Variants in LAMA2 observed in about 807,000 individuals in gnomAD.
The protein encoded by LAMA2 is laminin subunit alpha 2.
A neutral mutation model predicts 364.8 loss-of-function variants in LAMA2; 269 were observed. That is an observed-to-expected ratio of 0.74 (90% CI 0.67 to 0.82). The LOEUF is 0.82. Ranked by LOEUF, LAMA2 falls within the 40% of genes least tolerant of loss-of-function variation. The pLI is 0.00. For missense variants in LAMA2, 3,807 were observed against 3,873.2 expected, an observed-to-expected ratio of 0.98 and a Z score of 0.45; for synonymous variants, 1,379 against 1,370.6, an observed-to-expected ratio of 1.01 and a Z score of -0.14.
In LAMA2 at chr6:129,037,733, G is replaced by A. The variant is rs193124288; in HGVS notation, c.113-12185G>A. On this transcript the variant is annotated intron_variant, in intron 1 of 64. Coordinates refer to ENST00000421865, the MANE Select transcript of LAMA2 (RefSeq NM_000426.4). ...CAGGCTGGATGGAGTGCAGTGGCGC[G>A]ATCTCTGCTCACTGCAAGCTCCGCC... Among the ~76,000 whole-genome samples the A allele has an allele frequency of 2.3e-3, 342 of 150,732 alleles. 2 individuals carry two copies. The highest frequency in any genetic ancestry group is 7.7e-3 in the African/African-American group (315 of 40,960).
At chr6:128,939,953 G>C (rs1749888830) in intron 1 of LAMA2, among the ~76,000 whole-genome samples, 1 of 152,098 alleles carries the variant, frequency 6.6e-6, no homozygotes, top group Non-Finnish European at 1.5e-5. Flanking sequence ...CATCCAGAAT[G>C]ATGATCCAAA....
chr6:129,166,148 G>A (rs924696427), intron 9 of LAMA2, among the ~76,000 whole-genome samples: 18 of 152,150 alleles, frequency 1.2e-4, no homozygotes, highest in African/African-American at 4.3e-4. Flanking sequence ...TGTTCATAAA[G>A]GACTAAGAAG....
chr6:129,291,025 C>T (rs894731536), intron 19 of LAMA2, among the ~76,000 whole-genome samples: 1 of 152,074 alleles, frequency 6.6e-6, no homozygotes, highest in Non-Finnish European at 1.5e-5. Context: ...AAAACCGGCA[C>T]ACAGTAAATC....
At chr6:129,228,192 G>A (rs532384852) in intron 12 of LAMA2, among the ~76,000 whole-genome samples, 1 of 152,184 alleles carries the variant, frequency 6.6e-6, no homozygotes, top group Non-Finnish European at 1.5e-5. Context: ...CGTGGTATTA[G>A]GGTGGGAGTG....
intron 9 of LAMA2, among the ~76,000 whole-genome samples, chr6:129,177,085 A>G (rs1043428462): frequency 2.6e-5 from 4 of 152,144 alleles, no homozygotes; most frequent in Non-Finnish European, 5.9e-5. Context: ...TTTTTTAATC[A>G]AAGACATGAA....
intron 2 of LAMA2, among the ~76,000 whole-genome samples, chr6:129,055,713 GA>G (rs1229650923): frequency 6.6e-6 from 1 of 152,162 alleles, no homozygotes; most frequent in African/African-American, 2.4e-5. Flanking sequence ...ATCCTGCAAA[GA>G]AAACGAACCT....
At chr6:129,315,400 T>C in intron 24 of LAMA2, 76 bp from the exon 25 acceptor site, 1 of 1,285,680 alleles carries the variant, frequency 7.8e-7, no homozygotes, top group Non-Finnish European at 1.1e-6. Context: ...CAGATAGACA[T>C]GCAGTTCGTA....
At chr6:129,283,626 T>C (rs947126064) in intron 18 of LAMA2, among the ~76,000 whole-genome samples, 2 of 151,414 alleles carry the variant, frequency 1.3e-5, no homozygotes, top group Non-Finnish European at 2.9e-5. Flanking sequence ...TCTAATTGCT[T>C]AATATTTTGA....
chr6:129,065,466 G>A (rs1382942443), intron 3 of LAMA2, among the ~76,000 whole-genome samples: 2 of 152,112 alleles, frequency 1.3e-5, no homozygotes, highest in Non-Finnish European at 2.9e-5. Flanking sequence ...AAAAGGTAAA[G>A]TGTCTCTTTT....
intron 12 of LAMA2, among the ~76,000 whole-genome samples, chr6:129,204,762 A>G (rs969358904): frequency 6.6e-6 from 1 of 152,218 alleles, no homozygotes; most frequent in African/African-American, 2.4e-5. Flanking sequence ...TTAAAATCTC[A>G]TAATTTTCAT....
intron 11 of LAMA2, among the ~76,000 whole-genome samples, chr6:129,192,475 GA>G (rs918906547): frequency 3.1e-4 from 47 of 151,426 alleles, no homozygotes; most frequent in South Asian, 1.5e-3. Context: ...AAACATCAAG[GA>G]AAAAAAATAA....
At chr6:129,088,352 T>G (rs1043085929) in intron 3 of LAMA2, among the ~76,000 whole-genome samples, 17 of 150,846 alleles carry the variant, frequency 1.1e-4, no homozygotes, top group African/African-American at 4.1e-4. Flanking sequence ...ATTTCCCCCT[T>G]TTCTATTCCA....
At chr6:129,223,725 A>T (rs1341025885) in intron 12 of LAMA2, among the ~76,000 whole-genome samples, 1 of 152,214 alleles carries the variant, frequency 6.6e-6, no homozygotes, top group Non-Finnish European at 1.5e-5. Context: ...TACCAGTACC[A>T]TGCTGTTTTG....
chr6:129,204,665 A>C lies in LAMA2; in HGVS notation c.1782+11812A>C, dbSNP rs1306494335. Among the ~76,000 whole-genome samples, 4 of 152,248 alleles carry C rather than the reference A, an allele frequency of 2.6e-5. No homozygotes were observed. The East Asian group carries it at 5.8e-4, about 22-fold the overall frequency. On this transcript the variant is annotated intron_variant, in intron 12 of 64. Coordinates refer to ENST00000421865, the MANE Select transcript of LAMA2 (RefSeq NM_000426.4). Reference sequence around the variant, plus strand: ...AGCCTCTAGAACTGTGAAACAATACATTTCTGTTGTATAAGCCACCCAGTC... The same window carrying C: ...AGCCTCTAGAACTGTGAAACAATACCTTTCTGTTGTATAAGCCACCCAGTC...
At chr6:129,122,215 C>CT (rs1776839955) in intron 4 of LAMA2, among the ~76,000 whole-genome samples, 2 of 152,112 alleles carry the variant, frequency 1.3e-5, no homozygotes, top group Admixed American at 1.3e-4. Context: ...AGGAAATAAA[C>CT]TTTTTTCTAA....
intron 51 of LAMA2, among the ~76,000 whole-genome samples, chr6:129,472,896 T>C (rs1234199949): frequency 6.6e-6 from 1 of 152,028 alleles, no homozygotes; most frequent in Non-Finnish European, 1.5e-5. Context: ...TGCTTTATTT[T>C]CTAACTACTT....
intron 1 of LAMA2, among the ~76,000 whole-genome samples, chr6:128,897,183 A>T (rs1222892643): frequency 6.6e-6 from 1 of 152,246 alleles, no homozygotes; most frequent in Non-Finnish European, 1.5e-5. Context: ...CAAATTAGTA[A>T]GTAAAGGGCT....
At position 129,481,503 on chromosome 6, in the gene LAMA2, T is replaced by A. The variant is rs1784347145; in HGVS notation, c.7749+64T>A. 1.6e-5 allele frequency: 21 copies of A among 1,353,814 alleles called. No homozygotes were observed. The South Asian group carries it at 2.3e-4, about 15-fold the overall frequency. The allele number at this position is 1,353,814 out of a possible 1,614,324, so 83.9% of individuals were successfully genotyped here. ...GCTTATATAAAGCAGTTAACTTACT[T>A]TTGTATTTTTAGTTTCGTATCATTT... is the stretch of plus-strand genomic sequence containing the variant. On this transcript the variant is annotated intron_variant, in intron 55 of 64. Transcript: ENST00000421865.
At chr6:129,478,118 G>GT (rs796469626) in intron 53 of LAMA2, among the ~76,000 whole-genome samples, 36 of 152,094 alleles carry the variant, frequency 2.4e-4, no homozygotes, top group African/African-American at 7.9e-4. Context: ...TTAAACATCT[G>GT]TTTTTTAGAC....
Sources: allele counts gnomAD v4.1 joint callset (sites outside exome capture counted in the v4.1 genomes callset), GRCh38; gene constraint gnomAD v4.1.1; transcripts MANE v1.5; gene names NCBI Gene and HGNC (gene_info 2026-07-23, HGNC 2026-07-21).